EXOC6B: variants seen among roughly 807,000 people sequenced by gnomAD.
EXOC6B encodes SEC15 homolog B.
EXOC6B carries 54 observed loss-of-function variants against 113.5 expected under a neutral mutation model. The observed-to-expected ratio is 0.48, with a 90% CI of 0.38 to 0.60. EXOC6B has a LOEUF of 0.60. Ranked by LOEUF, EXOC6B falls within the 20% of genes least tolerant of loss-of-function variation. EXOC6B has a pLI of 0.00. For missense variants in EXOC6B, 797 were observed against 977.5 expected (o/e 0.82, Z 2.46); for synonymous variants, 357 against 339.0 (o/e 1.05, Z -0.58).
intron 20 of EXOC6B, among the ~76,000 whole-genome samples, chr2:72,322,589 C>A (rs1352597332): frequency 6.6e-6 from 1 of 151,804 alleles, no homozygotes; most frequent in Non-Finnish European, 1.5e-5. Context: ...GAATTAACAG[C>A]CTAAAAATGT....
intron 18 of EXOC6B, among the ~76,000 whole-genome samples, chr2:72,445,755 A>C (rs1341640477): frequency 1.3e-5 from 2 of 152,180 alleles, no homozygotes. Flanking sequence ...TCCCTCCCAC[A>C]ACACATGGGA....
intron 5 of EXOC6B, among the ~76,000 whole-genome samples, chr2:72,725,296 C>T (rs1394256126): frequency 6.6e-6 from 1 of 152,102 alleles, no homozygotes; most frequent in African/African-American, 2.4e-5. Context: ...AACTATAAAC[C>T]TCAAATTCTA....
At chr2:72,705,115 A>G (rs551308667) in intron 6 of EXOC6B, among the ~76,000 whole-genome samples, 4 of 151,312 alleles carry the variant, frequency 2.6e-5, no homozygotes, top group African/African-American at 9.7e-5. Context: ...CAGCACATCA[A>G]AAAGCTTATC....
In EXOC6B at chr2:72,575,666, G is replaced by A. The variant is rs1573423170; in HGVS notation, c.672C>T (p.Ala224=). 6.3e-7 allele frequency: 1 copy of A among 1,591,406 alleles called. No homozygotes were observed. Among genetic ancestry groups the A allele is most frequent in the Non-Finnish European group, 8.5e-7 (1 of 1,171,046 alleles). The change falls in exon 7 of 22, where the codon GCC becomes GCT. Residue 224 remains alanine, a splice_region_variant and synonymous_variant. Coordinates refer to ENST00000272427, the MANE Select transcript of EXOC6B (RefSeq NM_015189.3). ...TGTTATCCAGGTTTCTTTGCTGCTG[G>A]GCCTAGGATAGAGAAGAACACACAC... is the stretch of plus-strand genomic sequence containing the variant. ...DKIGETAMKQ[A]QQQRNLDNIV...
chr2:72,537,774 A>T (rs533862951), intron 8 of EXOC6B, among the ~76,000 whole-genome samples: 1 of 152,266 alleles, frequency 6.6e-6, no homozygotes, highest in South Asian at 2.1e-4. Flanking sequence ...TTATTAATGA[A>T]TCAGGTTGTC....
chr2:72,205,729 A>G (rs551547408), intron 20 of EXOC6B, among the ~76,000 whole-genome samples: 108 of 152,324 alleles, frequency 7.1e-4, no homozygotes, highest in Non-Finnish European at 1.2e-3. Context: ...TTGATGGCTT[A>G]GCTTAGCTCT....
chr2:72,388,663 C>T (rs1275810210), intron 18 of EXOC6B, among the ~76,000 whole-genome samples: 2 of 152,076 alleles, frequency 1.3e-5, no homozygotes, highest in Non-Finnish European at 2.9e-5. Flanking sequence ...TTAAAATTAG[C>T]AGCTGCAATT....
chr2:72,796,286 T>C (rs1423410564), intron 1 of EXOC6B, among the ~76,000 whole-genome samples: 1 of 151,468 alleles, frequency 6.6e-6, no homozygotes, highest in Non-Finnish European at 1.5e-5. Flanking sequence ...AAACCCCATC[T>C]CTACTAAAAA....
intron 2 of EXOC6B, among the ~76,000 whole-genome samples, chr2:72,733,713 A>T (rs1229420802): frequency 6.6e-6 from 1 of 152,252 alleles, no homozygotes. Flanking sequence ...TATATAAAGG[A>T]AATGGCATCT....
chr2:72,393,853 C>A lies in EXOC6B; in HGVS notation c.1981-13983G>T, dbSNP rs537576644. ...TTCAAAACAACAATAACACCACCAA[C>A]AAACACCTAATGTGTTCTACTGGCA... On this transcript the variant is annotated intron_variant, in intron 18 of 21. Coordinates refer to ENST00000272427, the MANE Select transcript of EXOC6B (RefSeq NM_015189.3). 1.2e-3 allele frequency among the ~76,000 whole-genome samples: 185 copies of A among 152,260 alleles called. 4 individuals are homozygous for A. In the South Asian group the frequency reaches 0.038, roughly 31 times the overall value.
chr2:72,251,109 A>T (rs550733242), intron 20 of EXOC6B, among the ~76,000 whole-genome samples: 19 of 152,134 alleles, frequency 1.2e-4, no homozygotes, highest in African/African-American at 4.3e-4. Context: ...TGTATTTAAT[A>T]TTGGCAATGT....
chr2:72,328,157 T>G (rs751015418), intron 20 of EXOC6B, among the ~76,000 whole-genome samples: 1 of 152,130 alleles, frequency 6.6e-6, no homozygotes, highest in African/African-American at 2.4e-5. Context: ...AGGTATCATC[T>G]TGAAGGTTAC....
intron 20 of EXOC6B, among the ~76,000 whole-genome samples, chr2:72,282,140 C>T (rs988611168): frequency 6.6e-6 from 1 of 151,902 alleles, no homozygotes; most frequent in African/African-American, 2.4e-5. Flanking sequence ...TAGGCCTACA[C>T]TAAAATAAAT....
chr2:72,545,814 T>C (rs1313199677), intron 8 of EXOC6B, among the ~76,000 whole-genome samples: 3 of 152,218 alleles, frequency 2.0e-5, no homozygotes, highest in Admixed American at 2.0e-4. Flanking sequence ...TTCAGTAGCA[T>C]TTTAGACTCT....
chr2:72,471,806 T>C (rs144273752), intron 17 of EXOC6B, among the ~76,000 whole-genome samples: 47 of 152,314 alleles, frequency 3.1e-4, no homozygotes, highest in African/African-American at 9.9e-4. Context: ...TGCCCATTCT[T>C]AAAGGAAAGG....
At chr2:72,561,887 C>G (rs954838652) in intron 7 of EXOC6B, among the ~76,000 whole-genome samples, 6 of 152,018 alleles carry the variant, frequency 3.9e-5, no homozygotes, top group African/African-American at 9.7e-5. Flanking sequence ...GCCACTGGAA[C>G]CACCATCCAG....
intron 20 of EXOC6B, among the ~76,000 whole-genome samples, chr2:72,290,066 G>T (rs766938810): frequency 3.9e-5 from 6 of 151,988 alleles, no homozygotes; most frequent in South Asian, 4.2e-4. Flanking sequence ...ACTTTTCCTG[G>T]GTCTCAAGCC....
intron 1 of EXOC6B, among the ~76,000 whole-genome samples, chr2:72,777,122 T>C (rs998960302): frequency 1.5e-4 from 23 of 152,112 alleles, no homozygotes; most frequent in African/African-American, 5.6e-4. Context: ...ATGCCTGTAA[T>C]CCCAGCTACT....
At chr2:72,752,846 A>C (rs1682150906) in intron 1 of EXOC6B, among the ~76,000 whole-genome samples, 1 of 151,864 alleles carries the variant, frequency 6.6e-6, no homozygotes, top group African/African-American at 2.4e-5. Flanking sequence ...CTCTTTTTAA[A>C]ATCTCTATTC....
Sources: allele counts gnomAD v4.1 joint callset (sites outside exome capture counted in the v4.1 genomes callset), GRCh38; gene constraint gnomAD v4.1.1; transcripts MANE v1.5; gene names NCBI Gene and HGNC (gene_info 2026-07-23, HGNC 2026-07-21).